ESRP1: variants seen among roughly 807,000 people sequenced by gnomAD.
The protein encoded by ESRP1 is epithelial splicing regulatory protein 1, also known as RNA-binding motif protein 35A.
In ESRP1, 33 loss-of-function variants were observed where a neutral mutation model predicts 81.7. The ratio of observed to expected loss-of-function variants is 0.40; its 90% CI spans 0.31 to 0.54. The LOEUF (loss-of-function observed/expected upper bound fraction) is 0.54. Among genes scored for constraint, ESRP1 ranks in the 20% least tolerant of loss-of-function variants. The pLI is 0.41. For synonymous variants in ESRP1, 320 were observed against 303.3 expected (o/e 1.06, Z -0.57); for missense variants, 672 against 833.1 (o/e 0.81, Z 2.38).
At chr8:94,658,955 T>C (rs1014055734) in intron 4 of ESRP1, among the ~76,000 whole-genome samples, 1 of 152,182 alleles carries the variant, frequency 6.6e-6, no homozygotes, top group Non-Finnish European at 1.5e-5. Flanking sequence ...AGCATCTTGC[T>C]CTGTCACCCA....
chr8:94,644,856 A>G (rs1195686255), intron 3 of ESRP1, among the ~76,000 whole-genome samples: 1 of 152,238 alleles, frequency 6.6e-6, no homozygotes, highest in Non-Finnish European at 1.5e-5. Flanking sequence ...CCTGCCACTC[A>G]ATATATTAAA....
At chr8:94,643,466 T>A in intron 3 of ESRP1, 50 bp downstream of exon 3, 1 of 1,288,798 alleles carries the variant, frequency 7.8e-7, no homozygotes, top group Non-Finnish European at 1.1e-6. Flanking sequence ...TTGGGGTGAC[T>A]GGAGGTTTTT....
intron 10 of ESRP1, among the ~76,000 whole-genome samples, chr8:94,670,139 T>G (rs1310537151): frequency 6.6e-6 from 1 of 152,198 alleles, no homozygotes; most frequent in Non-Finnish European, 1.5e-5. Flanking sequence ...GAGTTGCTTT[T>G]GGGTGTGCAT....
In ESRP1 at chr8:94,664,725, A is replaced by T. The variant is rs774229347; in HGVS notation, c.673A>T (p.Thr225Ser). 6.2e-7 allele frequency: 1 copy of T among 1,613,806 alleles called. No homozygotes were observed. Among genetic ancestry groups the T allele is most frequent in the Non-Finnish European group, 8.5e-7 (1 of 1,179,860 alleles). The part of the protein sequence containing the change: ...CSKMELIDDN[T>S]VVRARGLPWQ... ...CAAGATGGAACTTATTGATGATAAC[A>T]CCGTAGTCAGGGCACGAGGTTTACC... The change falls in exon 7 of 16, where the codon ACC (threonine) becomes TCC (serine). Residue 225 changes from threonine (T) to serine (S), a missense_variant. Physicochemically the swap from Thr to Ser is moderately conservative, Grantham distance 58 (BLOSUM62 1). Coordinates refer to ENST00000433389, the MANE Select transcript of ESRP1 (RefSeq NM_017697.4).
chr8:94,651,267 A>C (rs1818116604), intron 4 of ESRP1, among the ~76,000 whole-genome samples: 1 of 144,936 alleles, frequency 6.9e-6, no homozygotes, highest in African/African-American at 2.6e-5. Flanking sequence ...TTTTTGGGCA[A>C]AGTCTCACTT....
At chr8:94,682,748 C>T (rs148282308) in intron 13 of ESRP1, among the ~76,000 whole-genome samples, 2,191 of 145,520 alleles carry the variant, frequency 0.015, 64 homozygotes, top group African/African-American at 0.051. Flanking sequence ...AAGTAGACTG[C>T]GCATGCTTGT....
At chr8:94,660,709 C>CAAAAAAAAAAAAAAAA (rs60316449) in intron 4 of ESRP1, among the ~76,000 whole-genome samples, 3 of 43,532 alleles carry the variant, frequency 6.9e-5, no homozygotes, top group Admixed American at 3.8e-4. Context: ...GAGACTATCT[C>CAAAAAAAAAAAAAAAA]AAAAAAAAAA....
At chr8:94,657,334 A>G (rs560017415) in intron 4 of ESRP1, among the ~76,000 whole-genome samples, 1 of 152,356 alleles carries the variant, frequency 6.6e-6, no homozygotes, top group Admixed American at 6.5e-5. Context: ...GACGTGCAGC[A>G]AGTAATCCAA....
At chr8:94,641,471 C>G (rs1212718853) in intron 1 of ESRP1, 21 bp downstream of exon 1, 2 of 1,613,660 alleles carry the variant, frequency 1.2e-6, no homozygotes, top group South Asian at 1.1e-5. Context: ...ACATTTTCGT[C>G]TAAATGCAAG....
rs1177357708 is a variant in ESRP1 at position 94,695,348 on chromosome 8, C to CTTTTTTTTTTTTTTT, written c.1972-1494_1972-1480dup. 1.6e-4 allele frequency among the ~76,000 whole-genome samples: 10 copies of CTTTTTTTTTTTTTTT among 61,172 alleles called. 1 individual carries two copies. The highest frequency in any genetic ancestry group is 4.7e-4 in the African/African-American group (8 of 16,852). 40.1% of individuals were successfully genotyped at this position (61,172 alleles called of 152,430 possible). ...GAGTAAATAAAATTTCTTTTTCTTT[C>CTTTTTTTTTTTTTTT]TTTTTTTTTTTTTTTTTTTTTTTTG... is the stretch of plus-strand genomic sequence containing the variant. On this transcript the variant is annotated intron_variant, in intron 14 of 15. Transcript: ENST00000433389.
chr8:94,686,810 C>G (rs556784397), intron 13 of ESRP1, among the ~76,000 whole-genome samples: 18 of 152,312 alleles, frequency 1.2e-4, no homozygotes, highest in African/African-American at 4.3e-4. Flanking sequence ...AACATAACTT[C>G]AGATGAGTTA....
At chr8:94,650,524 C>T (rs1818070513) in intron 4 of ESRP1, among the ~76,000 whole-genome samples, 1 of 151,974 alleles carries the variant, frequency 6.6e-6, no homozygotes, top group Non-Finnish European at 1.5e-5. Flanking sequence ...CTTTATAGTT[C>T]CTTTTTAGCA....
chr8:94,689,615 A>C (rs1379261438), intron 13 of ESRP1, among the ~76,000 whole-genome samples: 2 of 151,688 alleles, frequency 1.3e-5, no homozygotes, highest in African/African-American at 4.8e-5. Context: ...GCTGATTCTT[A>C]TTTCAGTAAT....
chr8:94,657,472 CGTGTGTGT>C (rs9297944), intron 4 of ESRP1, among the ~76,000 whole-genome samples: 73 of 146,262 alleles, frequency 5.0e-4, no homozygotes, highest in Middle Eastern at 3.4e-3. Flanking sequence ...AGGCTGTGTG[CGTGTGTGT>C]GTGTGTGTGT....
chr8:94,664,141 T>TTTTG lies in ESRP1; in HGVS notation c.645-556_645-555insTTTG, dbSNP rs138058879. On this transcript the variant is annotated intron_variant, in intron 6 of 15. Transcript: ENST00000433389. ...TCAGCTTTTTTTTTTTTTTTTTTTT[T>TTTTG]GAGAGGGAGTCTTGCTCTATTGCCC... Among the ~76,000 whole-genome samples, 49 of 124,650 alleles carry TTTTG rather than the reference T, an allele frequency of 3.9e-4. 3 individuals carry two copies. The highest frequency in any genetic ancestry group is 8.7e-4 in the South Asian group (3 of 3,462). The allele number at this position is 124,650 out of a possible 152,430, so 81.8% of individuals were successfully genotyped here. A position where few individuals can be genotyped will look rare whatever the true frequency, so the allele number is the denominator to read the frequency against.
In ESRP1 at chr8:94,674,356, G is replaced by A. The variant is rs750850231; in HGVS notation, c.1501G>A (p.Ala501Thr). The A allele has an allele frequency of 2.5e-6, 4 of 1,613,914 alleles. No homozygotes were observed. The highest frequency in any genetic ancestry group is 2.7e-5 in the African/African-American group (2 of 74,938). ...AFIQMKSADR[A>T]FMAAQKCHKK... ...TATCCAGATGAAGTCTGCGGACAGA[G>A]CATTTATGGCTGCACAGAAGTGTCA... Residue 501 changes from alanine to threonine, a missense_variant, in exon 12 of 16, where the codon GCA (alanine) becomes ACA (threonine). By Grantham distance (58) the Ala-to-Thr change is moderately conservative. Transcript: ENST00000433389.
chr8:94,656,760 A>G (rs891845221), intron 4 of ESRP1, among the ~76,000 whole-genome samples: 1 of 152,240 alleles, frequency 6.6e-6, no homozygotes, highest in Non-Finnish European at 1.5e-5. Context: ...TATGGCAAGG[A>G]AAAATGGCTT....
At position 94,678,584 on chromosome 8, in the gene ESRP1, G is replaced by A. The variant is rs184680084; in HGVS notation, c.1820+213G>A. Among the ~76,000 whole-genome samples the A allele has an allele frequency of 1.4e-4, 22 of 152,318 alleles. No homozygotes were observed. In the East Asian group the frequency reaches 2.9e-3, roughly 20 times the overall value. ...ATATACTGACAGCATGATCTTTTAG[G>A]TCACCTATGTCTACAGCTTTCCTTT... On this transcript the variant is annotated intron_variant, in intron 13 of 15. Coordinates refer to ENST00000433389, the MANE Select transcript of ESRP1 (RefSeq NM_017697.4).
intron 12 of ESRP1, among the ~76,000 whole-genome samples, chr8:94,676,814 T>C (rs897187122): frequency 6.6e-6 from 1 of 151,806 alleles, no homozygotes; most frequent in East Asian, 2.0e-4. Context: ...GTTTGTCTTA[T>C]TGGTGTGAGG....
Sources: gnomAD v4.1 joint callset for allele counts (sites outside exome capture counted in the v4.1 genomes callset) on GRCh38, gnomAD v4.1.1 for gene constraint, MANE v1.5 for transcripts, NCBI Gene and HGNC (gene_info 2026-07-23, HGNC 2026-07-21) for gene names.